Variants in TGFB2 observed in about 807,000 individuals in gnomAD.
TGFB2 encodes the protein transforming growth factor beta-2 proprotein.
A neutral mutation model predicts 42.7 loss-of-function variants in TGFB2; 13 were observed. That is an observed-to-expected ratio of 0.30 (90% CI 0.20 to 0.48). TGFB2 has a LOEUF of 0.48. Among genes scored for constraint, TGFB2 ranks in the 20% least tolerant of loss-of-function variants. The probability of loss-of-function intolerance (pLI) is 0.99; values close to 1 mark genes in which losing one functional copy is unlikely to be tolerated. For missense variants in TGFB2, 390 were observed against 517.5 expected, an observed-to-expected ratio of 0.75 and a Z score of 2.39; for synonymous variants, 193 against 193.6, an observed-to-expected ratio of 1.00 and a Z score of 0.03.
chr1:218,432,141 T>A (rs1659826675), intron 2 of TGFB2, among the ~76,000 whole-genome samples: 1 of 152,192 alleles, frequency 6.6e-6, no homozygotes, highest in South Asian at 2.1e-4. Context: ...GATCATCTCT[T>A]CACACTTGTT....
Position 218,347,669 on chromosome 1 carries a change from T to C in TGFB2, c.346+622T>C, listed in dbSNP as rs10482725. On this transcript the variant is annotated intron_variant, in intron 1 of 6. Transcript: ENST00000366930. ...TGATGTATCATTTGCTATCACTAGG[T>C]GTTTCATTACCCAAAGGCAAAATCC... 7.4e-3 allele frequency among the ~76,000 whole-genome samples: 1,119 copies of C among 152,242 alleles called. 7 individuals are homozygous for C. The highest frequency in any genetic ancestry group is 0.025 in the African/African-American group (1,056 of 41,540).
rs567989908 is a variant in TGFB2, at chr1:218,360,526, A to AG, written c.346+13482dup. On this transcript the variant is annotated intron_variant, in intron 1 of 6. Coordinates refer to ENST00000366930, the MANE Select transcript of TGFB2 (RefSeq NM_003238.6). Reference sequence around the variant, plus strand: ...TGGGGTCTGTCAGTGGGGATGGGGTAGGGAGAGCATCAGGATTCATTGCTA... The same window carrying AG: ...TGGGGTCTGTCAGTGGGGATGGGGTAGGGGAGAGCATCAGGATTCATTGCTA... Among the ~76,000 whole-genome samples, 7 of 152,298 alleles carry AG rather than the reference A, an allele frequency of 4.6e-5. No individual in the cohort carries two copies. In the South Asian group the frequency reaches 6.2e-4, roughly 14 times the overall value.
intron 1 of TGFB2, among the ~76,000 whole-genome samples, chr1:218,369,542 T>G (rs555820180): frequency 3.3e-5 from 5 of 152,190 alleles, no homozygotes; most frequent in Non-Finnish European, 7.3e-5. Flanking sequence ...CCCCTTCCTT[T>G]CTGAGGAGCA....
chr1:218,405,663 C>G, intron 2 of TGFB2: 1 of 364,558 alleles, frequency 2.7e-6, no homozygotes, highest in Non-Finnish European at 5.3e-6. Context: ...GCCACCATAC[C>G]TGGCTCATTT....
At chr1:218,395,892 G>GAT (rs1236485152) in intron 1 of TGFB2, among the ~76,000 whole-genome samples, 5 of 152,170 alleles carry the variant, frequency 3.3e-5, no homozygotes, top group Non-Finnish European at 7.3e-5. Context: ...GGGATTACAG[G>GAT]TGTGAGCCAC....
chr1:218,435,960 T>C lies in TGFB2; in HGVS notation c.755-10T>C, dbSNP rs2102628419. 1 of 1,590,238 alleles carries C rather than the reference T, an allele frequency of 6.3e-7. No homozygotes were observed. Among genetic ancestry groups the C allele is most frequent in the Non-Finnish European group, 8.5e-7 (1 of 1,171,424 alleles). On this transcript the variant is annotated splice_polypyrimidine_tract_variant and intron_variant, in intron 4 of 6. Coordinates refer to ENST00000366930, the MANE Select transcript of TGFB2 (RefSeq NM_003238.6). ...GCTAAATGTTTATTACCCAAATGCA[T>C]TTTTTCAAGGTATTGATGGCACCTC...
At chr1:218,430,648 A>G (rs1175981404) in intron 2 of TGFB2, among the ~76,000 whole-genome samples, 1 of 152,180 alleles carries the variant, frequency 6.6e-6, no homozygotes, top group Non-Finnish European at 1.5e-5. Flanking sequence ...AGTGTGGGTG[A>G]TAAATGGGAG....
chr1:218,348,592 G>A (rs113667236), intron 1 of TGFB2, among the ~76,000 whole-genome samples: 226 of 152,280 alleles, frequency 1.5e-3, no homozygotes, highest in African/African-American at 4.9e-3. Flanking sequence ...GGCACTATCC[G>A]CAACAGCGGT....
intron 1 of TGFB2, among the ~76,000 whole-genome samples, chr1:218,388,547 G>C (rs145000364): frequency 7.4e-4 from 112 of 152,218 alleles, no homozygotes; most frequent in Non-Finnish European, 1.2e-3. Context: ...TGAAACATGG[G>C]GGACCTGGTC....
chr1:218,346,606 CCAAA>C lies in TGFB2; in HGVS notation c.-92_-89del. 2 of 1,158,910 alleles carry C rather than the reference CCAAA, an allele frequency of 1.7e-6. No homozygotes were observed. Among genetic ancestry groups the C allele is most frequent in the Non-Finnish European group, 2.4e-6 (2 of 842,308 alleles). 71.8% of individuals were successfully genotyped at this position (1,158,910 alleles called of 1,614,324 possible). A position where few individuals can be genotyped will look rare whatever the true frequency, so the allele number is the denominator to read the frequency against. ...CATCAAAAACAACAACAACAAAAAA[CCAAA>C]CAACTCTCCTTGATCTATACTTTGA... On this transcript the variant is annotated 5_prime_UTR_variant, in exon 1 of 7. Transcript: ENST00000366930. The surrounding 1 kb of genome is among the most constrained non-coding windows in gnomAD (Gnocchi z 4.9).
At position 218,442,004 on chromosome 1, in the gene TGFB2, T is replaced by TA. The variant is rs1270431049; in HGVS notation, c.*642_*643insA. On this transcript the variant is annotated 3_prime_UTR_variant, in exon 7 of 7. Coordinates refer to ENST00000366930, the MANE Select transcript of TGFB2 (RefSeq NM_003238.6). ...TTAATGGGATGAAAACCCAAGTGAG[T>TA]TATTATATGACCGAGAAAGTCTGCA... The TA allele has an allele frequency of 2.0e-5, 3 of 151,966 alleles. No individual in the cohort carries two copies. Among genetic ancestry groups the TA allele is most frequent in the Admixed American group, 2.0e-4 (3 of 15,246 alleles). The allele number at this position is 151,966 out of a possible 1,614,324, so 9.4% of individuals were successfully genotyped here.
chr1:218,359,379 C>A (rs993882046), intron 1 of TGFB2, among the ~76,000 whole-genome samples: 1 of 152,204 alleles, frequency 6.6e-6, no homozygotes. Context: ...AATCACTGAT[C>A]GGATCTCTAA....
In TGFB2 at chr1:218,405,307, C is replaced by A; in HGVS notation, c.485C>A (p.Pro162His). Residue 162 changes from proline (P) to histidine (H), a missense_variant, in exon 2 of 7, where the codon CCT (proline) becomes CAT (histidine). By Grantham distance (77) the Pro-to-His change is moderately conservative. Transcript: ENST00000366930. ...FRLQNPKARV[P>H]EQRIELYQIL... ...TTGCAGAACCCAAAAGCCAGAGTGC[C>A]TGAACAACGGATTGAGCTATATCAG... 1 of 1,614,068 alleles carries A rather than the reference C, an allele frequency of 6.2e-7. No homozygotes were observed. The highest frequency in any genetic ancestry group is 8.5e-7 in the Non-Finnish European group (1 of 1,180,022).
chr1:218,351,728 T>G (rs1322612547), intron 1 of TGFB2, among the ~76,000 whole-genome samples: 1 of 152,180 alleles, frequency 6.6e-6, no homozygotes, highest in Non-Finnish European at 1.5e-5. Context: ...GGGAGCCCAC[T>G]GCGTCTCCAC....
rs937215055 is a variant in TGFB2, at chr1:218,443,165, G to A, written c.*1803G>A. On this transcript the variant is annotated 3_prime_UTR_variant, in exon 7 of 7. Transcript: ENST00000366930. ...GATCAAAAAATTCTTTCTTTCCTCTGAGTGAGAGTTATCTATATCTGAGGC... is the reference window on the plus strand; with the variant it reads ...GATCAAAAAATTCTTTCTTTCCTCTAAGTGAGAGTTATCTATATCTGAGGC... 1.8e-4 allele frequency: 28 copies of A among 152,334 alleles called. No individual in the cohort carries two copies. Among genetic ancestry groups the A allele is most frequent in the African/African-American group, 6.7e-4 (28 of 41,580 alleles). 9.4% of individuals were successfully genotyped at this position (152,334 alleles called of 1,614,324 possible). A position where few individuals can be genotyped will look rare whatever the true frequency, so the allele number is the denominator to read the frequency against.
At chr1:218,383,946 C>T (rs772699198) in intron 1 of TGFB2, among the ~76,000 whole-genome samples, 1 of 152,218 alleles carries the variant, frequency 6.6e-6, no homozygotes, top group Non-Finnish European at 1.5e-5. Context: ...TGCTTTTCCT[C>T]CTCCCTTTCC....
chr1:218,442,957 A>G lies in TGFB2; in HGVS notation c.*1595A>G, dbSNP rs1660204692. The G allele has an allele frequency of 6.6e-6, 1 of 152,202 alleles. No homozygotes were observed. The highest frequency in any genetic ancestry group is 1.5e-5 in the Non-Finnish European group (1 of 68,028). 9.4% of individuals were successfully genotyped at this position (152,202 alleles called of 1,614,324 possible). On this transcript the variant is annotated 3_prime_UTR_variant, in exon 7 of 7. Transcript: ENST00000366930. ...ACAAAGAGGACACTTCATAGGAAACATCTTTTTCTTTAGTCAGGTTTTTAA... is the reference window on the plus strand; with the variant it reads ...ACAAAGAGGACACTTCATAGGAAACGTCTTTTTCTTTAGTCAGGTTTTTAA...
chr1:218,359,856 A>C (rs1657154939), intron 1 of TGFB2, among the ~76,000 whole-genome samples: 1 of 152,230 alleles, frequency 6.6e-6, no homozygotes, highest in African/African-American at 2.4e-5. Context: ...ATTTTACTTA[A>C]GATATCATTG....
chr1:218,394,155 C>T (rs945521394), intron 1 of TGFB2, among the ~76,000 whole-genome samples: 6 of 152,110 alleles, frequency 3.9e-5, no homozygotes, highest in East Asian at 1.9e-4. Flanking sequence ...GTGATCCGCC[C>T]GCCTCGGCCT....
Sources: gnomAD v4.1 joint callset for allele counts (sites outside exome capture counted in the v4.1 genomes callset) on GRCh38, gnomAD v4.1.1 for gene constraint, Gnocchi (gnomAD v3.1) non-coding constraint, MANE v1.5 for transcripts, NCBI Gene and HGNC (gene_info 2026-07-23, HGNC 2026-07-21) for gene names.